The following EVI5L variants were observed in gnomAD, a reference collection of about 807,000 sequenced individuals.
EVI5L encodes the protein ecotropic viral integration site 5 like, also known as EVI5-like protein.
A neutral mutation model predicts 106.1 loss-of-function variants in EVI5L; 30 were observed. The observed-to-expected ratio is 0.28, with a 90% confidence interval of 0.21 to 0.38. The LOEUF (loss-of-function observed/expected upper bound fraction) is 0.38. Ranked by LOEUF, EVI5L falls within the 10% of genes least tolerant of loss-of-function variation. EVI5L has a pLI of 1.00. For synonymous variants in EVI5L, 489 were observed against 483.3 expected, an observed-to-expected ratio of 1.01 and a Z score of -0.15; for missense variants, 809 against 1,098.0, an observed-to-expected ratio of 0.74 and a Z score of 3.72.
At chr19:7,841,108 C>T (rs57291869) in intron 1 of EVI5L, among the ~76,000 whole-genome samples, 12,568 of 152,048 alleles carry the variant, frequency 0.083, 587 homozygotes, top group Middle Eastern at 0.11. Flanking sequence ...GTCTCTGCCC[C>T]GGACACTCCA....
rs530704802 is a variant in EVI5L, at chr19:7,852,835, G to A, written c.988-251G>A. On this transcript the variant is annotated intron_variant, in intron 8 of 19. Coordinates refer to ENST00000538904, the MANE Select transcript of EVI5L (RefSeq NM_001159944.3). ...TTTAAATCATTGGGATTATATGAAT[G>A]AGCCACCACATCCAGCATCTGCCAG... The A allele has an allele frequency of 8.0e-6, 4 of 500,248 alleles. No homozygotes were observed. In the South Asian group the frequency reaches 9.0e-5, roughly 11 times the overall value. 31.0% of individuals were successfully genotyped at this position (500,248 alleles called of 1,614,324 possible).
rs766858322 is a variant in EVI5L at position 7,853,076 on chromosome 19, G to A, written c.988-10G>A. The A allele has an allele frequency of 6.2e-7, 1 of 1,613,620 alleles. No homozygotes were observed. Among genetic ancestry groups the A allele is most frequent in the Non-Finnish European group, 8.5e-7 (1 of 1,179,998 alleles). Reference sequence around the variant, plus strand: ...TGTTGGTGACCAGGTGACCGGCTGTGTCCCCACAGTACTTCCAGAGAGTGA... The same window carrying A: ...TGTTGGTGACCAGGTGACCGGCTGTATCCCCACAGTACTTCCAGAGAGTGA... On this transcript the variant is annotated splice_polypyrimidine_tract_variant and intron_variant, in intron 8 of 19. Coordinates refer to ENST00000538904, the MANE Select transcript of EVI5L (RefSeq NM_001159944.3).
rs1978960584 is a variant in EVI5L, at chr19:7,846,568, A to G, written c.26A>G (p.Asp9Gly). 1 of 1,611,804 alleles carries G rather than the reference A, an allele frequency of 6.2e-7. No homozygotes were observed. Among genetic ancestry groups the G allele is most frequent in the Non-Finnish European group, 8.5e-7 (1 of 1,179,196 alleles). The change falls in exon 2 of 20, where the codon GAC becomes GGC. Residue 9 changes from aspartate to glycine, a missense_variant. This residue lies in a region of EVI5L where 357 missense variants were observed against 588.1 expected (regional missense o/e 0.61). Coordinates refer to ENST00000538904, the MANE Select transcript of EVI5L (RefSeq NM_001159944.3). ...ATGGCGAGCCCCACTCTGAGCCCCG[A>G]CTCCTCATCCCAGGAGGCCCTGTCG... MASPTLSP[D>G]SSSQEALSAP...
In EVI5L at chr19:7,849,314, G is replaced by A; in HGVS notation, c.611G>A (p.Gly204Asp). 1 of 1,614,134 alleles carries A rather than the reference G, an allele frequency of 6.2e-7. No homozygotes were observed. The highest frequency in any genetic ancestry group is 2.2e-5 in the East Asian group (1 of 44,882). ...GYCQGSAFIV[G>D]LLLMQMPEEE... is the part of the protein sequence containing the mutation. Reference sequence around the variant, plus strand: ...TGCCAGGGAAGCGCCTTCATCGTGGGCCTGCTCCTCATGCAGGTAGGTGGC... The same window carrying A: ...TGCCAGGGAAGCGCCTTCATCGTGGACCTGCTCCTCATGCAGGTAGGTGGC... Residue 204 changes from glycine to aspartate, a missense_variant, in exon 5 of 20, where the codon GGC (glycine) becomes GAC (aspartate). Transcript: ENST00000538904.
Position 7,851,557 on chromosome 19 carries a change from T to G in EVI5L, c.877T>G (p.Phe293Val). 1 of 1,612,562 alleles carries G rather than the reference T, an allele frequency of 6.2e-7. No homozygotes were observed. Among genetic ancestry groups the G allele is most frequent in the Non-Finnish European group, 8.5e-7 (1 of 1,179,322 alleles). ...CCCACTCCCCGTCGCCACCCGGGTC[T>G]TTGACATCTTCATGTATGAGGTGAG... ...TFPLPVATRV[F>V]DIFMYEGLEI... Residue 293 changes from phenylalanine (F) to valine (V), a missense_variant, in exon 7 of 20, where the codon TTT (phenylalanine) becomes GTT (valine). By Grantham distance (50) the Phe-to-Val change is conservative. Transcript: ENST00000538904.
Position 7,860,590 on chromosome 19 carries a change from G to A in EVI5L, c.1404G>A (p.Val468=). Residue 468 remains valine (V), a synonymous_variant, in exon 14 of 20, where the codon GTG becomes GTA. Coordinates refer to ENST00000538904, the MANE Select transcript of EVI5L (RefSeq NM_001159944.3). ...QENPRLTEDF[V]SHLETELEQS... is the part of the protein sequence containing the mutation. ...ACCCCCGCCTCACAGAAGACTTCGT[G>A]TCCCACCTGGAGACCGAGCTGGAGC... 6.3e-7 allele frequency: 1 copy of A among 1,599,244 alleles called. No homozygotes were observed. Among genetic ancestry groups the A allele is most frequent in the Non-Finnish European group, 8.5e-7 (1 of 1,173,576 alleles).
At chr19:7,833,870 G>A (rs1978308774) in intron 1 of EVI5L, among the ~76,000 whole-genome samples, 1 of 152,190 alleles carries the variant, frequency 6.6e-6, no homozygotes. Flanking sequence ...GGCAATAGAA[G>A]GAAGGAGGTG....
intron 17 of EVI5L, among the ~76,000 whole-genome samples, 180 bp from the exon 18 acceptor site, chr19:7,862,792 C>T (rs1351804583): frequency 7.5e-6 from 1 of 132,654 alleles, no homozygotes; most frequent in Admixed American, 7.3e-5. Context: ...GGCCACGCCT[C>T]CTGACCCGCC....
intron 2 of EVI5L, 133 bp from the exon 3 acceptor site, chr19:7,847,599 A>AT: frequency 1.1e-6 from 1 of 912,600 alleles, no homozygotes; most frequent in Non-Finnish European, 1.6e-6. Context: ...GAAGAAGAAA[A>AT]AAAAAAGAAC....
rs189573310 is a variant in EVI5L, at chr19:7,837,435, C to G, written c.-48+7054C>G. ...ATACAGAGTTTCCATATGCCCCATA[C>G]CCAGTCTCCTCTATAGTTAATGTCT... is the stretch of plus-strand genomic sequence containing the variant. On this transcript the variant is annotated intron_variant, in intron 1 of 19. Transcript: ENST00000538904. 2.6e-3 allele frequency among the ~76,000 whole-genome samples: 394 copies of G among 152,296 alleles called. 6 individuals are homozygous for G. The highest frequency in any genetic ancestry group is 5.7e-4 in the Non-Finnish European group (39 of 68,028).
chr19:7,842,722 G>A (rs1194867645), intron 1 of EVI5L, among the ~76,000 whole-genome samples: 1 of 151,976 alleles, frequency 6.6e-6, no homozygotes. Context: ...GCACGAGTAT[G>A]TGTGTATTGT....
At chr19:7,846,412 G>C in intron 1 of EVI5L, 84 bp from the exon 2 acceptor site, 1 of 1,300,192 alleles carries the variant, frequency 7.7e-7, no homozygotes, top group Non-Finnish European at 1.0e-6. Flanking sequence ...AGGAAGCCCA[G>C]GGTGAGGAAA....
intron 1 of EVI5L, among the ~76,000 whole-genome samples, chr19:7,840,205 G>T (rs1978539327): frequency 6.6e-6 from 1 of 152,164 alleles, no homozygotes; most frequent in South Asian, 2.1e-4. Context: ...TAGGCCACGG[G>T]CAGTGGCTCA....
chr19:7,863,654 C>A lies in EVI5L; in HGVS notation c.2370C>A (p.Ser790Arg). 1 of 1,539,304 alleles carries A rather than the reference C, an allele frequency of 6.5e-7. No individual in the cohort carries two copies. Among genetic ancestry groups the A allele is most frequent in the Non-Finnish European group, 8.7e-7 (1 of 1,144,172 alleles). ...PAKDSEGSSD[S>R]DADELAAPYS... ...AGGACAGCGAGGGCAGCTCAGACAG[C>A]GACGCCGATGAGCTGGCCGCGCCCT... The change falls in exon 20 of 20, where the codon AGC (serine) becomes AGA (arginine). Residue 790 changes from serine (S) to arginine (R), a missense_variant. By Grantham distance (110) the Ser-to-Arg change is moderately radical. Transcript: ENST00000538904. The surrounding 1 kb of genome is among the most constrained non-coding windows in gnomAD (Gnocchi z 7.7).
rs556923584 is a variant in EVI5L at position 7,852,439 on chromosome 19, C to T, written c.988-647C>T. ...CTTAACCCTTTGCACAGGCCCGAGG[C>T]CCCCGGCATACCCATCCTCCTTCCC... is the stretch of plus-strand genomic sequence containing the variant. On this transcript the variant is annotated intron_variant, in intron 8 of 19. Coordinates refer to ENST00000538904, the MANE Select transcript of EVI5L (RefSeq NM_001159944.3). Among the ~76,000 whole-genome samples the T allele has an allele frequency of 1.1e-3, 165 of 152,254 alleles. 1 individual carries two copies. Among genetic ancestry groups the T allele is most frequent in the African/African-American group, 3.2e-3 (132 of 41,528 alleles).
intron 1 of EVI5L, among the ~76,000 whole-genome samples, chr19:7,836,601 T>G (rs1464836314): frequency 6.6e-6 from 1 of 152,190 alleles, no homozygotes; most frequent in African/African-American, 2.4e-5. Context: ...GTCGTTGGCT[T>G]TTCTGCTTAC....
intron 1 of EVI5L, among the ~76,000 whole-genome samples, chr19:7,844,259 G>A (rs1239981548): frequency 6.6e-6 from 1 of 151,328 alleles, no homozygotes; most frequent in Non-Finnish European, 1.5e-5. Context: ...GTGAACCCGG[G>A]AGGTAGAGGT....
intron 2 of EVI5L, among the ~76,000 whole-genome samples, 156 bp downstream of exon 2, chr19:7,846,835 C>G (rs1306957207): frequency 6.6e-6 from 1 of 152,228 alleles, no homozygotes; most frequent in Non-Finnish European, 1.5e-5. Flanking sequence ...CTCCTTTCAT[C>G]CTCCCAACCC....
At chr19:7,837,913 G>A (rs1026859225) in intron 1 of EVI5L, among the ~76,000 whole-genome samples, 5 of 151,686 alleles carry the variant, frequency 3.3e-5, no homozygotes, top group Middle Eastern at 3.5e-3. Context: ...ATGTTGGTTA[G>A]GCTGGTCTCG....
Sources: gnomAD v4.1 joint callset for allele counts (sites outside exome capture counted in the v4.1 genomes callset) on GRCh38, gnomAD v4.1.1 for gene constraint, gnomAD v4.1.1 regional missense constraint, Gnocchi (gnomAD v3.1) non-coding constraint, MANE v1.5 for transcripts, NCBI Gene and HGNC (gene_info 2026-07-23, HGNC 2026-07-21) for gene names.